CCDC69: variants seen among roughly 807,000 people sequenced by gnomAD.
The protein encoded by CCDC69 is coiled-coil domain containing 69.
Under a neutral mutation model 40.3 loss-of-function variants are expected in CCDC69, and 38 were observed. That is an observed-to-expected ratio of 0.94 (90% CI 0.73 to 1.24). The LOEUF (loss-of-function observed/expected upper bound fraction) is 1.24, where lower values mean the gene tolerates loss of function less well. CCDC69 is among the 50% of genes most tolerant of loss of function. The pLI, the probability that CCDC69 is intolerant of heterozygous loss-of-function variation, is 0.00. For synonymous variants in CCDC69, 141 were observed against 138.9 expected, an observed-to-expected ratio of 1.02 and a Z score of -0.11; for missense variants, 389 against 357.9, an observed-to-expected ratio of 1.09 and a Z score of -0.70.
At position 151,183,472 on chromosome 5, in the gene CCDC69, CA is replaced by C. The variant is rs1766673753; in HGVS notation, c.855del (p.Val286SerfsTer122). The C allele has an allele frequency of 3.1e-6, 5 of 1,605,892 alleles. No homozygotes were observed. The highest frequency in any genetic ancestry group is 3.4e-5 in the Admixed American group (2 of 58,212). On this transcript the variant is annotated frameshift_variant, in exon 9 of 9. Coordinates refer to ENST00000355417, the MANE Select transcript of CCDC69 (RefSeq NM_015621.3). LOFTEE classifies it high-confidence loss of function. ...AGGAAAGAGACCTCAGTGGGAGTGA[CA>C]GGGGCCAGAGGGAAGGCAGGCGAGG... The part of the protein sequence containing the change: ...ANASPAFPLA[P>X]VTPTEVSFLA...
At chr5:151,198,350 C>A (rs577038805) in intron 4 of CCDC69, among the ~76,000 whole-genome samples, 7 of 151,684 alleles carry the variant, frequency 4.6e-5, no homozygotes, top group Non-Finnish European at 2.9e-5. Flanking sequence ...ATCTATCTTA[C>A]CAAACTGGAA....
In CCDC69 at chr5:151,183,374, C is replaced by T; in HGVS notation, c.*63G>A. 1 of 1,536,204 alleles carries T rather than the reference C, an allele frequency of 6.5e-7. No homozygotes were observed. ...AGAACTGAGAGGCTCCTGCTGTCTT[C>T]TCCAGAAAAACCTTGGAAGGAGCTG... On this transcript the variant is annotated 3_prime_UTR_variant, in exon 9 of 9. Coordinates refer to ENST00000355417, the MANE Select transcript of CCDC69 (RefSeq NM_015621.3).
intron 4 of CCDC69, among the ~76,000 whole-genome samples, chr5:151,188,252 AG>A (rs1452183973): frequency 6.6e-6 from 1 of 152,246 alleles, no homozygotes; most frequent in Non-Finnish European, 1.5e-5. Context: ...GAAATAGAAC[AG>A]AGGAGACAGG....
At chr5:151,197,284 T>C (rs1752713032) in intron 4 of CCDC69, among the ~76,000 whole-genome samples, 1 of 152,168 alleles carries the variant, frequency 6.6e-6, no homozygotes, top group Non-Finnish European at 1.5e-5. Flanking sequence ...TCCCAGCACT[T>C]TGGGAGGCCG....
At chr5:151,192,783 T>C (rs1055292090) in intron 4 of CCDC69, among the ~76,000 whole-genome samples, 2 of 152,042 alleles carry the variant, frequency 1.3e-5, no homozygotes, top group Non-Finnish European at 2.9e-5. Flanking sequence ...AATTCAGCAA[T>C]ACATAAAAAG....
chr5:151,207,513 G>A (rs188364305), intron 1 of CCDC69, among the ~76,000 whole-genome samples: 8 of 149,622 alleles, frequency 5.3e-5, no homozygotes, highest in African/African-American at 7.4e-5. Flanking sequence ...GGATGGTCTC[G>A]ATCTCCTGAC....
intron 1 of CCDC69, among the ~76,000 whole-genome samples, chr5:151,206,749 G>A (rs1197821437): frequency 6.6e-6 from 1 of 151,728 alleles, no homozygotes; most frequent in African/African-American, 2.4e-5. Context: ...TCCTGCCTCA[G>A]CCTCCTGAGT....
At chr5:151,222,539 T>C (rs1432838341) in intron 1 of CCDC69, among the ~76,000 whole-genome samples, 1 of 152,190 alleles carries the variant, frequency 6.6e-6, no homozygotes, top group Non-Finnish European at 1.5e-5. Context: ...TCACTCCCCA[T>C]ACAGGGAGAA....
chr5:151,203,022 T>C (rs1028269738), intron 2 of CCDC69, among the ~76,000 whole-genome samples: 3 of 152,112 alleles, frequency 2.0e-5, no homozygotes, highest in Non-Finnish European at 4.4e-5. Flanking sequence ...CACCTGCTCC[T>C]CACAGCTACC....
At chr5:151,212,730 G>A (rs1561604641) in intron 1 of CCDC69, 2 of 454,928 alleles carry the variant, frequency 4.4e-6, no homozygotes, top group Admixed American at 4.7e-5. Flanking sequence ...GAACAGGCAG[G>A]AAGACCTGAT....
At chr5:151,185,687 T>C in intron 6 of CCDC69, 146 bp from the exon 7 acceptor site, 1 of 810,342 alleles carries the variant, frequency 1.2e-6, no homozygotes, top group Non-Finnish European at 2.0e-6. Context: ...TATCTCCCTG[T>C]ATCCGAATAT....
chr5:151,223,827 G>T, intron 1 of CCDC69, 96 bp downstream of exon 1: 1 of 1,270,354 alleles, frequency 7.9e-7, no homozygotes, highest in South Asian at 1.3e-5. Context: ...ATCCCGGGCC[G>T]ACCAGAGAGA....
At chr5:151,188,418 G>A (rs923087531) in intron 4 of CCDC69, among the ~76,000 whole-genome samples, 13 of 151,998 alleles carry the variant, frequency 8.6e-5, no homozygotes, top group South Asian at 2.1e-4. Flanking sequence ...CAGCCTGGCC[G>A]ACATGGCAAA....
chr5:151,214,493 T>C (rs571043298), intron 1 of CCDC69, among the ~76,000 whole-genome samples: 21 of 152,326 alleles, frequency 1.4e-4, no homozygotes, highest in Non-Finnish European at 2.6e-4. Flanking sequence ...TGGGCAGAGA[T>C]ATTCTGCCAA....
chr5:151,217,147 T>A (rs571505134), intron 1 of CCDC69, among the ~76,000 whole-genome samples: 1 of 152,238 alleles, frequency 6.6e-6, no homozygotes, highest in South Asian at 2.1e-4. Context: ...TTACACAGTC[T>A]ATGCACCTAA....
chr5:151,193,350 A>G (rs1435019500), intron 4 of CCDC69, among the ~76,000 whole-genome samples: 1 of 150,592 alleles, frequency 6.6e-6, no homozygotes, highest in Non-Finnish European at 1.5e-5. Flanking sequence ...TACAAAAAAA[A>G]AAAAAAAAAA....
At chr5:151,220,963 T>A (rs1753126808) in intron 1 of CCDC69, among the ~76,000 whole-genome samples, 1 of 152,088 alleles carries the variant, frequency 6.6e-6, no homozygotes, top group Admixed American at 6.6e-5. Flanking sequence ...GTGACCACAT[T>A]AGCCATGGTC....
intron 4 of CCDC69, among the ~76,000 whole-genome samples, chr5:151,192,354 G>A (rs1428890664): frequency 6.6e-6 from 1 of 150,846 alleles, no homozygotes; most frequent in Non-Finnish European, 1.5e-5. Flanking sequence ...TATCACTACA[G>A]ACACAGCAGA....
intron 1 of CCDC69, chr5:151,212,687 G>A (rs894715254): frequency 1.4e-5 from 6 of 431,742 alleles, no homozygotes; most frequent in Non-Finnish European, 2.3e-5. Context: ...TATAGGAGGG[G>A]CTGTTAACAG....
Sources: gnomAD v4.1 joint callset for allele counts (sites outside exome capture counted in the v4.1 genomes callset) on GRCh38, gnomAD v4.1.1 for gene constraint, MANE v1.5 for transcripts, NCBI Gene and HGNC (gene_info 2026-07-23, HGNC 2026-07-21) for gene names.